The following PGM5 variants were observed in gnomAD, a reference collection of about 807,000 sequenced individuals.
PGM5 encodes phosphoglucomutase-like protein 5.
In PGM5, 23 loss-of-function variants were observed where a neutral mutation model predicts 59.2. The observed-to-expected ratio is 0.39, with a 90% CI of 0.28 to 0.55. The LOEUF (loss-of-function observed/expected upper bound fraction) is 0.55. Among genes scored for constraint, PGM5 ranks in the 20% least tolerant of loss-of-function variants. The pLI is 0.66. For missense variants in PGM5, 574 were observed against 748.3 expected (o/e 0.77, Z 2.72); for synonymous variants, 214 against 286.0 (o/e 0.75, Z 2.54).
At chr9:68,370,692 C>T (rs1821673891) in intron 1 of PGM5, among the ~76,000 whole-genome samples, 1 of 152,214 alleles carries the variant, frequency 6.6e-6, no homozygotes, top group African/African-American at 2.4e-5. Flanking sequence ...TGTGAAAGGG[C>T]ATATTGATTC....
intron 10 of PGM5, among the ~76,000 whole-genome samples, chr9:68,522,969 T>C (rs1244550859): frequency 1.3e-5 from 2 of 152,252 alleles, no homozygotes; most frequent in African/African-American, 4.8e-5. Flanking sequence ...AGGATTACCA[T>C]GGAGTCTTAT....
rs552038604 is a variant in PGM5, at chr9:68,508,856, A to T, written c.1614+9495A>T. ...AGGTCTCATGAACTGGTGGTGATTCAGGTTTTCTTTGAAGTGGTGTCCTTC... is the reference window on the plus strand; with the variant it reads ...AGGTCTCATGAACTGGTGGTGATTCTGGTTTTCTTTGAAGTGGTGTCCTTC... On this transcript the variant is annotated intron_variant, in intron 10 of 10. Transcript: ENST00000396396. 5.9e-5 allele frequency among the ~76,000 whole-genome samples: 9 copies of T among 152,334 alleles called. No homozygotes were observed. The South Asian group carries it at 1.4e-3, about 25-fold the overall frequency.
rs1163983976 is a variant in PGM5 at position 68,392,453 on chromosome 9, A to C, written c.1023A>C (p.Pro341=). Reference sequence around the variant, plus strand: ...TCCGCGGGTTTGGGAGGAGTATGCCAACCAGCATGGCCCTGGACAGGTAAG... The same window carrying C: ...TCCGCGGGTTTGGGAGGAGTATGCCCACCAGCATGGCCCTGGACAGGTAAG... The part of the protein sequence containing the change: ...MGVRGFGRSM[P]TSMALDRVAK... The change falls in exon 6 of 11, where the codon CCA becomes CCC. Residue 341 remains proline (P), a synonymous_variant. Coordinates refer to ENST00000396396, the MANE Select transcript of PGM5 (RefSeq NM_021965.4). The C allele has an allele frequency of 6.2e-7, 1 of 1,611,268 alleles. No homozygotes were observed. The highest frequency in any genetic ancestry group is 8.5e-7 in the Non-Finnish European group (1 of 1,179,430).
intron 2 of PGM5, among the ~76,000 whole-genome samples, chr9:68,379,081 A>C (rs1256284779): frequency 1.3e-5 from 2 of 152,216 alleles, no homozygotes; most frequent in Non-Finnish European, 2.9e-5. Flanking sequence ...AAAGAAAGAC[A>C]CATTGCTGCA....
rs1214077945 is a variant in PGM5 at position 68,479,547 on chromosome 9, A to G, written c.1289A>G (p.Tyr430Cys). The change falls in exon 8 of 11, where the codon TAT becomes TGT. Residue 430 changes from tyrosine (Y) to cysteine (C), a missense_variant. Around this residue, in one of 7 missense-constraint regions of PGM5, gnomAD observed 300 missense variants for 280.0 expected, o/e 1.07. Coordinates refer to ENST00000396396, the MANE Select transcript of PGM5 (RefSeq NM_021965.4). Reference sequence around the variant, plus strand: ...TGGGCCAAATTTGGCCGCCACTACTATTGCAGGTGAGGAGAAGGGGAAGGG... The same window carrying G: ...TGGGCCAAATTTGGCCGCCACTACTGTTGCAGGTGAGGAGAAGGGGAAGGG... ...DHWAKFGRHYYCRFDYEGLDP... is the reference protein window; with the variant it reads ...DHWAKFGRHYCCRFDYEGLDP... 12 of 1,613,794 alleles carry G rather than the reference A, an allele frequency of 7.4e-6. No homozygotes were observed. Among genetic ancestry groups the G allele is most frequent in the Non-Finnish European group, 9.3e-6 (11 of 1,179,904 alleles).
rs550534190 is a variant in PGM5, at chr9:68,384,374, G to C, written c.425-24G>C. 8.3e-6 allele frequency: 13 copies of C among 1,569,770 alleles called. No homozygotes were observed. The South Asian group carries it at 1.3e-4, about 15-fold the overall frequency. ...AAACTCACGAGACTTTCAAAAACAT[G>C]TATTTTTGGTGTTCACATTTTAGGT... is the stretch of plus-strand genomic sequence containing the variant. On this transcript the variant is annotated intron_variant, in intron 2 of 10. Coordinates refer to ENST00000396396, the MANE Select transcript of PGM5 (RefSeq NM_021965.4).
chr9:68,479,519 C>A lies in PGM5; in HGVS notation c.1261C>A (p.His421Asn). Residue 421 changes from histidine to asparagine, a missense_variant, in exon 8 of 11, where the codon CAC becomes AAC. Transcript: ENST00000396396. ...GAGTGTGGAGGAAATTGTCCGAGAT[C>A]ACTGGGCCAAATTTGGCCGCCACTA... is the stretch of plus-strand genomic sequence containing the variant. ...KQSVEEIVRD[H>N]WAKFGRHYYC... is the part of the protein sequence containing the mutation. 6.2e-7 allele frequency: 1 copy of A among 1,614,108 alleles called. No homozygotes were observed. The highest frequency in any genetic ancestry group is 8.5e-7 in the Non-Finnish European group (1 of 1,180,012).
chr9:68,443,983 G>A (rs1823571087), intron 6 of PGM5, among the ~76,000 whole-genome samples: 2 of 151,974 alleles, frequency 1.3e-5, no homozygotes, highest in African/African-American at 4.8e-5. Flanking sequence ...CAGATATGGT[G>A]GAGCCCATTT....
intron 10 of PGM5, among the ~76,000 whole-genome samples, chr9:68,522,058 C>G (rs1010733914): frequency 6.6e-6 from 1 of 152,128 alleles, no homozygotes; most frequent in South Asian, 2.1e-4. Context: ...AGTTCAAGGC[C>G]GGCCTGGCCC....
intron 9 of PGM5, among the ~76,000 whole-genome samples, chr9:68,488,770 T>C (rs1306382626): frequency 2.0e-5 from 3 of 152,242 alleles, no homozygotes; most frequent in Non-Finnish European, 4.4e-5. Flanking sequence ...CAGTTCTTCC[T>C]TCTATCTTCA....
intron 6 of PGM5, among the ~76,000 whole-genome samples, chr9:68,434,545 G>A (rs980669868): frequency 9.2e-5 from 14 of 151,904 alleles, no homozygotes; most frequent in East Asian, 1.9e-4. Context: ...GGTGGCTCAC[G>A]CTTCTAATCC....
chr9:68,369,840 C>A (rs1388715621), intron 1 of PGM5, among the ~76,000 whole-genome samples: 1 of 152,152 alleles, frequency 6.6e-6, no homozygotes, highest in Admixed American at 6.5e-5. Flanking sequence ...CTCCATGTAA[C>A]AAATCATATA....
intron 10 of PGM5, among the ~76,000 whole-genome samples, chr9:68,503,239 T>C (rs1030578815): frequency 2.0e-5 from 3 of 152,202 alleles, no homozygotes; most frequent in Non-Finnish European, 4.4e-5. Context: ...TACACCCCAA[T>C]AAACCCATCA....
chr9:68,484,047 A>G lies in PGM5; in HGVS notation c.1478A>G (p.Gln493Arg). The change falls in exon 9 of 11, where the codon CAG becomes CGG. Residue 493 changes from glutamine to arginine, a missense_variant and splice_region_variant. Physicochemically the swap from Gln to Arg is conservative, Grantham distance 43 (BLOSUM62 1). Transcript: ENST00000396396. ...DPVDGTVTKK[Q>R]GLRIIFSDAS... Reference sequence around the variant, plus strand: ...GTGGATGGCACTGTGACCAAGAAACAGGTACTTGCTAGGAAATCACTACAA... The same window carrying G: ...GTGGATGGCACTGTGACCAAGAAACGGGTACTTGCTAGGAAATCACTACAA... The G allele has an allele frequency of 6.2e-7, 1 of 1,612,492 alleles. No homozygotes were observed. The highest frequency in any genetic ancestry group is 8.5e-7 in the Non-Finnish European group (1 of 1,179,520).
chr9:68,399,017 A>G (rs769461494), intron 6 of PGM5: 2 of 152,108 alleles, frequency 1.3e-5, no homozygotes, highest in Non-Finnish European at 2.9e-5. Flanking sequence ...TTGTGTATAT[A>G]TTTTTTGCAT....
At chr9:68,511,349 A>G (rs746553597) in intron 10 of PGM5, among the ~76,000 whole-genome samples, 21 of 152,222 alleles carry the variant, frequency 1.4e-4, no homozygotes, top group Non-Finnish European at 2.9e-4. Context: ...AGAGGAGGAT[A>G]TATTGAGGCA....
intron 6 of PGM5, among the ~76,000 whole-genome samples, chr9:68,450,913 C>T (rs181506286): frequency 1.6e-4 from 25 of 152,180 alleles, no homozygotes; most frequent in Middle Eastern, 3.4e-3. Flanking sequence ...ATGGAATGTT[C>T]GGAAATAAAT....
intron 9 of PGM5, among the ~76,000 whole-genome samples, chr9:68,495,917 A>C (rs1824475377): frequency 6.6e-6 from 1 of 152,146 alleles, no homozygotes; most frequent in African/African-American, 2.4e-5. Flanking sequence ...GTAAAGGGCT[A>C]GGTAGTAAAT....
intron 1 of PGM5, among the ~76,000 whole-genome samples, chr9:68,373,137 T>A (rs1226003470): frequency 7.2e-6 from 1 of 138,812 alleles, no homozygotes; most frequent in Non-Finnish European, 1.6e-5. Context: ...ATTATTAAAA[T>A]CCTCCTCTGC....
Sources: gnomAD v4.1 joint callset for allele counts (sites outside exome capture counted in the v4.1 genomes callset) on GRCh38, gnomAD v4.1.1 for gene constraint, gnomAD v4.1.1 regional missense constraint, MANE v1.5 for transcripts, NCBI Gene and HGNC (gene_info 2026-07-23, HGNC 2026-07-21) for gene names.